Variants in RFC1 observed in about 807,000 individuals in gnomAD.
RFC1 encodes replication factor C subunit 1.
In RFC1, 37 loss-of-function variants were observed where a neutral mutation model predicts 137.4. The ratio of observed to expected loss-of-function variants is 0.27; its 90% CI spans 0.21 to 0.35. The LOEUF (loss-of-function observed/expected upper bound fraction) is 0.35, where lower values mean the gene tolerates loss of function less well. RFC1 is among the 10% of genes least tolerant of loss of function. RFC1 has a pLI of 1.00. For missense variants in RFC1, 1,205 were observed against 1,358.5 expected (o/e 0.89, Z 1.78); for synonymous variants, 429 against 455.7 (o/e 0.94, Z 0.75).
At chr4:39,358,561 C>G (rs947754592) in intron 1 of RFC1, among the ~76,000 whole-genome samples, 1 of 152,176 alleles carries the variant, frequency 6.6e-6, no homozygotes, top group South Asian at 2.1e-4. Flanking sequence ...GACCCCTGCC[C>G]TTACAGAGCT....
chr4:39,350,980 G>C (rs958022998), intron 2 of RFC1, among the ~76,000 whole-genome samples: 2 of 152,160 alleles, frequency 1.3e-5, no homozygotes, highest in Non-Finnish European at 2.9e-5. Context: ...GGCTGGCACG[G>C]TGGCTCACGC....
At position 39,302,450 on chromosome 4, in the gene RFC1, C is replaced by T. The variant is rs767608996; in HGVS notation, c.2436+50G>A. The stretch of plus-strand genomic sequence containing the variant: ...CTCCCCATCCCTACAAGGTTGAAAG[C>T]ATTAGTTAAAAATAATCAACAACTG... On this transcript the variant is annotated intron_variant, in intron 18 of 24. Transcript: ENST00000349703. The T allele has an allele frequency of 2.0e-6, 3 of 1,510,768 alleles. No homozygotes were observed. In the East Asian group the frequency reaches 6.8e-5, roughly 34 times the overall value. 93.6% of individuals were successfully genotyped at this position (1,510,768 alleles called of 1,614,324 possible). A position where few individuals can be genotyped will look rare whatever the true frequency, so the allele number is the denominator to read the frequency against.
chr4:39,300,196 AC>A, intron 20 of RFC1, 58 bp from the exon 21 acceptor site: 1 of 1,610,642 alleles, frequency 6.2e-7, no homozygotes, highest in Non-Finnish European at 8.5e-7. Flanking sequence ...TCCCTTCTTC[AC>A]GGGTATTTAG....
At chr4:39,311,331 G>C (rs1738950388) in intron 12 of RFC1, 114 bp downstream of exon 12, 1 of 768,094 alleles carries the variant, frequency 1.3e-6, no homozygotes. Context: ...TCCATTTGTG[G>C]TAGACAGGGA....
chr4:39,351,285 AC>A, intron 2 of RFC1, 62 bp downstream of exon 2: 180 of 480,916 alleles, frequency 3.7e-4, no homozygotes, highest in Middle Eastern at 7.5e-4. Flanking sequence ...AAAAAAAAAA[AC>A]TTATAAGAAC....
Position 39,304,943 on chromosome 4 carries a change from G to C in RFC1, c.1996-15C>G, listed in dbSNP as rs984586004. 3 of 1,469,126 alleles carry C rather than the reference G, an allele frequency of 2.0e-6. No homozygotes were observed. The African/African-American group carries it at 4.2e-5, about 21-fold the overall frequency. The allele number at this position is 1,469,126 out of a possible 1,614,324, so 91.0% of individuals were successfully genotyped here. ...TATCCCAACTCCTAATCAAAATATT[G>C]GAAACCACTGAAGGCACAATACAAA... On this transcript the variant is annotated splice_polypyrimidine_tract_variant and intron_variant, in intron 14 of 24. Coordinates refer to ENST00000349703, the MANE Select transcript of RFC1 (RefSeq NM_002913.5).
intron 19 of RFC1, 71 bp from the exon 20 acceptor site, chr4:39,300,485 G>A (rs957064937): frequency 4.5e-5 from 50 of 1,099,102 alleles, no homozygotes; most frequent in Non-Finnish European, 6.2e-5. Context: ...AAATGCTAAC[G>A]AGGATATGGA....
Position 39,290,002 on chromosome 4 carries a change from G to A in RFC1, c.3206C>T (p.Ala1069Val). The A allele has an allele frequency of 1.2e-6, 2 of 1,613,658 alleles. No homozygotes were observed. ...TTGAAGTGAGTATGGAGTAAGGTGG[G>A]CTTCCTTATTGTAAGCTCTTGTGAA... Reference protein sequence around the residue: ...AAFTRAYNKEAHLTPYSLQAI... With the variant: ...AAFTRAYNKEVHLTPYSLQAI... Residue 1069 changes from alanine to valine, a missense_variant, in exon 24 of 25, where the codon GCC becomes GTC. Coordinates refer to ENST00000349703, the MANE Select transcript of RFC1 (RefSeq NM_002913.5).
intron 4 of RFC1, among the ~76,000 whole-genome samples, chr4:39,341,225 A>T (rs2109728475): frequency 6.6e-6 from 1 of 152,318 alleles, no homozygotes; most frequent in African/African-American, 2.4e-5. Context: ...TGTCACTGGA[A>T]AGCCCTATCA....
chr4:39,362,982 G>A (rs958549626), intron 1 of RFC1, among the ~76,000 whole-genome samples: 35 of 152,222 alleles, frequency 2.3e-4, no homozygotes, highest in African/African-American at 7.0e-4. Context: ...ATTCCACATA[G>A]TAAACCATGA....
intron 1 of RFC1, among the ~76,000 whole-genome samples, chr4:39,361,073 G>GA (rs889590266): frequency 1.3e-5 from 2 of 151,898 alleles, no homozygotes. Flanking sequence ...TGGGAACACA[G>GA]AAAAAAAATC....
intron 4 of RFC1, among the ~76,000 whole-genome samples, chr4:39,334,431 G>A (rs918712317): frequency 6.6e-6 from 1 of 152,170 alleles, no homozygotes; most frequent in African/African-American, 2.4e-5. Context: ...AACAGGCCAA[G>A]AAGACAACTA....
intron 15 of RFC1, among the ~76,000 whole-genome samples, chr4:39,303,539 C>T (rs552057162): frequency 4.6e-5 from 7 of 152,278 alleles, no homozygotes; most frequent in South Asian, 2.1e-4. Flanking sequence ...CTGCAACCTC[C>T]GCCTCCCGGG....
At chr4:39,330,003 C>G (rs1433033317) in intron 4 of RFC1, among the ~76,000 whole-genome samples, 1 of 151,970 alleles carries the variant, frequency 6.6e-6, no homozygotes, top group Non-Finnish European at 1.5e-5. Flanking sequence ...CACTGCACTC[C>G]AGCCTGGGCG....
chr4:39,292,614 CATTA>C (rs1560586245), intron 22 of RFC1, among the ~76,000 whole-genome samples: 2 of 138,746 alleles, frequency 1.4e-5, no homozygotes, highest in Non-Finnish European at 1.5e-5. Flanking sequence ...TATATGTATA[CATTA>C]TTTATTTATT....
Position 39,320,626 on chromosome 4 carries a change from A to G in RFC1, c.852T>C (p.Pro284=). ...QVSDERKSYS[P]RKQSKYESSK... is the part of the protein sequence containing the mutation. Reference sequence around the variant, plus strand: ...AACTTTCATATTTACTTTGCTTCCTAGGACTGTAGCTCTTTCTTTCATCTG... The same window carrying G: ...AACTTTCATATTTACTTTGCTTCCTGGGACTGTAGCTCTTTCTTTCATCTG... Residue 284 remains proline (P), a synonymous_variant, in exon 9 of 25, where the codon CCT becomes CCC. Coordinates refer to ENST00000349703, the MANE Select transcript of RFC1 (RefSeq NM_002913.5). The G allele has an allele frequency of 6.2e-7, 1 of 1,604,896 alleles. No homozygotes were observed. The highest frequency in any genetic ancestry group is 8.5e-7 in the Non-Finnish European group (1 of 1,177,616).
intron 1 of RFC1, among the ~76,000 whole-genome samples, chr4:39,362,542 A>T (rs530646766): frequency 6.6e-6 from 1 of 152,380 alleles, no homozygotes; most frequent in Admixed American, 6.5e-5. Flanking sequence ...TGGAGAAAGA[A>T]GAGTCTTTTC....
At chr4:39,329,837 C>A (rs1307255325) in intron 4 of RFC1, among the ~76,000 whole-genome samples, 1 of 152,158 alleles carries the variant, frequency 6.6e-6, no homozygotes, top group Non-Finnish European at 1.5e-5. Context: ...GAGTTCAAGA[C>A]CAGCTTGGAC....
At chr4:39,306,555 G>C (rs1168554098) in intron 14 of RFC1, 37 bp downstream of exon 14, 1 of 1,143,902 alleles carries the variant, frequency 8.7e-7, no homozygotes, top group East Asian at 2.3e-5. Context: ...GACCACTCGA[G>C]GTTATCTGTC....
Sources: gnomAD v4.1 joint callset for allele counts (sites outside exome capture counted in the v4.1 genomes callset) on GRCh38, gnomAD v4.1.1 for gene constraint, MANE v1.5 for transcripts, NCBI Gene and HGNC (gene_info 2026-07-23, HGNC 2026-07-21) for gene names.